Variants in CSMD3 observed in about 807,000 individuals in gnomAD.
The protein encoded by CSMD3 is CUB and sushi domain-containing protein 3.
In CSMD3, 177 loss-of-function variants were observed where a neutral mutation model predicts 435.2. The observed-to-expected ratio is 0.41, with a 90% CI of 0.36 to 0.46. The LOEUF is 0.46. CSMD3 is among the 20% of genes least tolerant of loss of function. CSMD3 has a pLI of 0.34. For missense variants in CSMD3, 4,265 were observed against 4,504.6 expected, an observed-to-expected ratio of 0.95 and a Z score of 1.52; for synonymous variants, 1,656 against 1,520.5, an observed-to-expected ratio of 1.09 and a Z score of -2.07.
intron 30 of CSMD3, among the ~76,000 whole-genome samples, chr8:112,496,262 T>C (rs1035255102): frequency 2.0e-5 from 3 of 152,042 alleles, no homozygotes; most frequent in Non-Finnish European, 4.4e-5. Flanking sequence ...AGCTACCACG[T>C]CCAGCCACGT....
intron 49 of CSMD3, 36 bp downstream of exon 49, chr8:112,313,870 A>C: frequency 6.6e-7 from 1 of 1,521,290 alleles, no homozygotes. Flanking sequence ...CGAAGATGAT[A>C]GTGAGATCTG....
chr8:113,050,599 A>G, intron 5 of CSMD3, among the ~76,000 whole-genome samples: 1 of 152,076 alleles, frequency 6.6e-6, no homozygotes, highest in East Asian at 1.9e-4. Context: ...AGCTTTACAG[A>G]ATAGTACAGA....
At position 112,677,308 on chromosome 8, in the gene CSMD3, G is replaced by A. The variant is rs565785337; in HGVS notation, c.2677+5134C>T. On this transcript the variant is annotated intron_variant, in intron 16 of 70. Transcript: ENST00000297405. ...AAATGATAATGATGATGGTGGTGAT[G>A]ATTTTTACAAGCTATCTTGAATGGT... Among the ~76,000 whole-genome samples, 4 of 151,446 alleles carry A rather than the reference G, an allele frequency of 2.6e-5. No homozygotes were observed. In the East Asian group the frequency reaches 5.9e-4, roughly 22 times the overall value.
chr8:112,730,012 T>C (rs1479664812), intron 13 of CSMD3, among the ~76,000 whole-genome samples: 1 of 152,156 alleles, frequency 6.6e-6, no homozygotes, highest in East Asian at 1.9e-4. Flanking sequence ...GCATTTGAGC[T>C]TTGTAGTTAT....
chr8:113,414,974 A>C (rs930576523), intron 1 of CSMD3, among the ~76,000 whole-genome samples: 2 of 152,038 alleles, frequency 1.3e-5, no homozygotes, highest in Non-Finnish European at 2.9e-5. Context: ...AAAACAAAAA[A>C]CGAAAAACAA....
intron 10 of CSMD3, among the ~76,000 whole-genome samples, chr8:112,895,941 C>T (rs1471376428): frequency 6.6e-6 from 1 of 151,202 alleles, no homozygotes; most frequent in East Asian, 2.0e-4. Context: ...TTGTTTTTTC[C>T]AAATCTAGTC....
In CSMD3 at chr8:113,163,962, T is replaced by C. The variant is rs141732346; in HGVS notation, c.709+9760A>G. Among the ~76,000 whole-genome samples, 98 of 152,178 alleles carry C rather than the reference T, an allele frequency of 6.4e-4. 1 individual carries two copies. In the East Asian group the frequency reaches 0.011, roughly 17 times the overall value. On this transcript the variant is annotated intron_variant, in intron 4 of 70. Coordinates refer to ENST00000297405, the MANE Select transcript of CSMD3 (RefSeq NM_198123.2). ...GATAATGTAGCTCCTTAAATTATAC[T>C]GTGCCTTCTTTGCGTTGTTTAGCTA...
At chr8:112,255,128 G>T in intron 62 of CSMD3, 126 bp downstream of exon 62, 2 of 711,424 alleles carry the variant, frequency 2.8e-6, no homozygotes, top group Non-Finnish European at 4.7e-6. Context: ...CCTTCTAATT[G>T]CTTCTATATT....
chr8:112,827,207 A>ATATATATATATATAT (rs2079722410), intron 12 of CSMD3, among the ~76,000 whole-genome samples: 37 of 122,630 alleles, frequency 3.0e-4, no homozygotes, highest in Non-Finnish European at 4.5e-4. Flanking sequence ...ATATATATAT[A>ATATATATATATATAT]ATCTTTCTAC....
At position 113,143,816 on chromosome 8, in the gene CSMD3, T is replaced by A. The variant is rs115565102; in HGVS notation, c.709+29906A>T. 5.2e-3 allele frequency among the ~76,000 whole-genome samples: 783 copies of A among 151,494 alleles called. 11 individuals carry two copies. Among genetic ancestry groups the A allele is most frequent in the African/African-American group, 0.018 (758 of 41,482 alleles). ...TAGGGGGCTGGGGTGGGAATGAGTT[T>A]GGCTATAAAAGGGCAATATAAAATA... On this transcript the variant is annotated intron_variant, in intron 4 of 70. Transcript: ENST00000297405.
chr8:112,687,673 T>C (rs1185278680), intron 14 of CSMD3, among the ~76,000 whole-genome samples: 1 of 152,160 alleles, frequency 6.6e-6, no homozygotes, highest in Non-Finnish European at 1.5e-5. Context: ...TTCTGCATAA[T>C]TTTATGAGTT....
chr8:112,478,799 C>T (rs531187144), intron 31 of CSMD3, among the ~76,000 whole-genome samples: 1 of 152,304 alleles, frequency 6.6e-6, no homozygotes, highest in South Asian at 2.1e-4. Context: ...AACTTCTGTT[C>T]CTGTTCGCCT....
At chr8:112,275,229 C>G (rs1382759326) in intron 59 of CSMD3, among the ~76,000 whole-genome samples, 2 of 152,014 alleles carry the variant, frequency 1.3e-5, no homozygotes, top group South Asian at 4.1e-4. Context: ...TAAAGACGTA[C>G]CTGAGACTGG....
At chr8:112,286,776 G>A (rs965235732) in intron 58 of CSMD3, among the ~76,000 whole-genome samples, 4 of 151,950 alleles carry the variant, frequency 2.6e-5, no homozygotes, top group Admixed American at 6.6e-5. Context: ...ACTGTAAAGA[G>A]GAAAGAATAA....
intron 27 of CSMD3, among the ~76,000 whole-genome samples, chr8:112,525,027 G>A (rs1282416702): frequency 2.0e-5 from 3 of 151,700 alleles, no homozygotes; most frequent in African/African-American, 4.8e-5. Context: ...TAGCTCGACT[G>A]ATATCATCAT....
intron 16 of CSMD3, among the ~76,000 whole-genome samples, chr8:112,672,662 G>A (rs150247258): frequency 7.4e-4 from 113 of 152,160 alleles, no homozygotes; most frequent in Non-Finnish European, 9.6e-4. Context: ...AACACAGGTC[G>A]TTGCCTTTAA....
intron 5 of CSMD3, among the ~76,000 whole-genome samples, chr8:113,094,781 T>C (rs531540735): frequency 6.6e-6 from 1 of 152,146 alleles, no homozygotes; most frequent in Non-Finnish European, 1.5e-5. Flanking sequence ...TATTCAATTA[T>C]CATATGTGGG....
intron 22 of CSMD3, among the ~76,000 whole-genome samples, chr8:112,602,878 C>T (rs1213678318): frequency 6.6e-6 from 1 of 152,110 alleles, no homozygotes; most frequent in African/African-American, 2.4e-5. Flanking sequence ...CTGCAGACAT[C>T]AGTCTATGGT....
chr8:112,850,627 T>A (rs1244540624), intron 11 of CSMD3, among the ~76,000 whole-genome samples: 1 of 152,242 alleles, frequency 6.6e-6, no homozygotes, highest in Non-Finnish European at 1.5e-5. Flanking sequence ...AGTTTTTGAA[T>A]ACTGGAAGAA....
Sources: gnomAD v4.1 joint callset for allele counts (sites outside exome capture counted in the v4.1 genomes callset) on GRCh38, gnomAD v4.1.1 for gene constraint, MANE v1.5 for transcripts, NCBI Gene and HGNC (gene_info 2026-07-23, HGNC 2026-07-21) for gene names.